The following KIF26B variants were observed in gnomAD, a reference collection of about 807,000 sequenced individuals.
KIF26B encodes kinesin family member 26B.
Under a neutral mutation model 151.2 loss-of-function variants are expected in KIF26B, and 63 were observed. The ratio of observed to expected loss-of-function variants is 0.42; its 90% CI spans 0.34 to 0.51. The LOEUF (loss-of-function observed/expected upper bound fraction) is 0.51. Ranked by LOEUF, KIF26B falls within the 20% of genes least tolerant of loss-of-function variation. KIF26B has a pLI of 0.07. For missense variants in KIF26B, 2,813 were observed against 2,913.6 expected (o/e 0.97, Z 0.79); for synonymous variants, 1,357 against 1,262.1 (o/e 1.08, Z -1.59).
intron 10 of KIF26B, among the ~76,000 whole-genome samples, chr1:245,682,321 C>T (rs1200489519): frequency 1.3e-5 from 2 of 152,210 alleles, no homozygotes; most frequent in Non-Finnish European, 2.9e-5. Context: ...TGTATTTCCC[C>T]TAAGAACAAT....
Position 245,687,257 on chromosome 1 carries a change from A to G in KIF26B, c.4274A>G (p.Glu1425Gly), listed in dbSNP as rs1463532120. Residue 1425 changes from glutamate (E) to glycine (G), a missense_variant, in exon 12 of 15, where the codon GAG becomes GGG. Glu to Gly is a moderately conservative substitution (Grantham distance 98). Transcript: ENST00000407071. The surrounding 1 kb of genome is among the most constrained non-coding windows in gnomAD (Gnocchi z 4.9). The stretch of plus-strand genomic sequence containing the variant: ...GGCCCCACATTAGCCCAGTCCCGGG[A>G]GAGTAAGGAAAACAGTGCAAAGAAA... Reference protein sequence around the residue: ...KAGPTLAQSRESKENSAKKEM... With the variant: ...KAGPTLAQSRGSKENSAKKEM... 2.5e-6 allele frequency: 4 copies of G among 1,611,578 alleles called. No homozygotes were observed. The highest frequency in any genetic ancestry group is 8.5e-7 in the Non-Finnish European group (1 of 1,179,190).
chr1:245,515,005 C>G (rs1660919192), intron 4 of KIF26B, among the ~76,000 whole-genome samples: 1 of 152,266 alleles, frequency 6.6e-6, no homozygotes, highest in South Asian at 2.1e-4. Context: ...TGACAGGGGA[C>G]CTGGGAAGAC....
At chr1:245,276,862 C>G (rs1032018285) in intron 2 of KIF26B, among the ~76,000 whole-genome samples, 7 of 152,022 alleles carry the variant, frequency 4.6e-5, no homozygotes, top group African/African-American at 1.7e-4. Flanking sequence ...TGCCATGTTG[C>G]CGAAGTCACT....
intron 3 of KIF26B, among the ~76,000 whole-genome samples, chr1:245,390,965 T>G (rs941165396): frequency 8.7e-6 from 1 of 114,722 alleles, no homozygotes; most frequent in Non-Finnish European, 1.7e-5. Context: ...ACCATAAAAT[T>G]TTGAGCTTTC....
chr1:245,340,875 G>A (rs771425045), intron 2 of KIF26B, among the ~76,000 whole-genome samples: 1 of 152,188 alleles, frequency 6.6e-6, no homozygotes, highest in Non-Finnish European at 1.5e-5. Flanking sequence ...CGATCTAAGG[G>A]AGGGAACAGG....
At chr1:245,393,490 TATC>T (rs1673750145) in intron 3 of KIF26B, among the ~76,000 whole-genome samples, 1 of 152,198 alleles carries the variant, frequency 6.6e-6, no homozygotes, top group African/African-American at 2.4e-5. Flanking sequence ...TTCTCTTTTG[TATC>T]ATATGTTTTC....
At chr1:245,324,719 C>T (rs1671951216) in intron 2 of KIF26B, among the ~76,000 whole-genome samples, 1 of 152,138 alleles carries the variant, frequency 6.6e-6, no homozygotes, top group Non-Finnish European at 1.5e-5. Context: ...AGGCATGAAA[C>T]ACGGCCATCC....
intron 2 of KIF26B, among the ~76,000 whole-genome samples, chr1:245,238,825 G>T (rs1670160673): frequency 1.3e-5 from 2 of 152,114 alleles, no homozygotes; most frequent in Admixed American, 1.3e-4. Context: ...TGGTGCCACT[G>T]CACTCCAGCC....
At chr1:245,529,043 C>T (rs1661304613) in intron 4 of KIF26B, among the ~76,000 whole-genome samples, 1 of 152,212 alleles carries the variant, frequency 6.6e-6, no homozygotes, top group Non-Finnish European at 1.5e-5. Context: ...CAGAAGTCCT[C>T]AACCTTCTCT....
intron 4 of KIF26B, among the ~76,000 whole-genome samples, chr1:245,451,697 T>C (rs1259290786): frequency 6.7e-6 from 1 of 148,396 alleles, no homozygotes; most frequent in Non-Finnish European, 1.5e-5. Context: ...GCCTCCTGGG[T>C]TCAAAAATTC....
intron 5 of KIF26B, among the ~76,000 whole-genome samples, chr1:245,545,367 G>T (rs1661721886): frequency 6.6e-6 from 1 of 152,180 alleles, no homozygotes; most frequent in South Asian, 2.1e-4. Context: ...CTCCCAAAGT[G>T]CTAGGATTAC....
rs59481342 is a variant in KIF26B at position 245,581,926 on chromosome 1, G to GAGGAAAGGAAGGAAGGAAGGA, written c.1351-20646_1351-20645insAGGAAGGAAGGAAGGAAGGAA. On this transcript the variant is annotated intron_variant, in intron 5 of 14. Transcript: ENST00000407071. ...AGAGAGACCCTGTCAAAGAGAGAAA[G>GAGGAAAGGAAGGAAGGAAGGA]AGGAAGGAAGGAAGGAAGGAAGGAA... is the stretch of plus-strand genomic sequence containing the variant. Among the ~76,000 whole-genome samples, 933 of 142,382 alleles carry GAGGAAAGGAAGGAAGGAAGGA rather than the reference G, an allele frequency of 6.6e-3. 2 individuals are homozygous for GAGGAAAGGAAGGAAGGAAGGA. The highest frequency in any genetic ancestry group is 8.4e-3 in the Non-Finnish European group (559 of 66,924). 93.4% of individuals were successfully genotyped at this position (142,382 alleles called of 152,430 possible).
rs541268731 is a variant in KIF26B at position 245,623,642 on chromosome 1, T to C, written c.2098+11666T>C. Among the ~76,000 whole-genome samples, 26 of 152,338 alleles carry C rather than the reference T, an allele frequency of 1.7e-4. 1 individual carries two copies. The South Asian group carries it at 3.1e-3, about 18-fold the overall frequency. Reference sequence around the variant, plus strand: ...GACATCACAAGTAGAAAATTCTACATCTGACCGCATGTGACAGGTCACAGG... The same window carrying C: ...GACATCACAAGTAGAAAATTCTACACCTGACCGCATGTGACAGGTCACAGG... On this transcript the variant is annotated intron_variant, in intron 9 of 14. Transcript: ENST00000407071.
At chr1:245,533,872 T>C (rs545556649) in intron 4 of KIF26B, among the ~76,000 whole-genome samples, 1 of 152,164 alleles carries the variant, frequency 6.6e-6, no homozygotes, top group Non-Finnish European at 1.5e-5. Flanking sequence ...CTTAAAGCCA[T>C]TGAATCCACC....
At chr1:245,372,526 C>T (rs142188047) in intron 3 of KIF26B, among the ~76,000 whole-genome samples, 87 of 152,280 alleles carry the variant, frequency 5.7e-4, no homozygotes, top group African/African-American at 2.0e-3. Flanking sequence ...TCCCACCCTC[C>T]ACCCCCAAGT....
intron 2 of KIF26B, among the ~76,000 whole-genome samples, chr1:245,314,168 C>T (rs558353429): frequency 1.8e-4 from 27 of 152,184 alleles, no homozygotes; most frequent in African/African-American, 6.5e-4. Context: ...TATATTCAGG[C>T]GGGGGGCGGT....
intron 2 of KIF26B, among the ~76,000 whole-genome samples, chr1:245,206,181 C>G (rs991523588): frequency 6.6e-6 from 1 of 152,214 alleles, no homozygotes; most frequent in Non-Finnish European, 1.5e-5. Flanking sequence ...GTAGTCCCTT[C>G]TTATTCTCCA....
At chr1:245,419,816 T>G in intron 4 of KIF26B, 71 bp downstream of exon 4, 2 of 1,375,314 alleles carry the variant, frequency 1.5e-6, no homozygotes, top group Non-Finnish European at 2.0e-6. Context: ...GTGGACTAGC[T>G]CAGCTGAAAC....
At chr1:245,479,421 C>T (rs1321948248) in intron 4 of KIF26B, among the ~76,000 whole-genome samples, 1 of 151,836 alleles carries the variant, frequency 6.6e-6, no homozygotes, top group Admixed American at 6.6e-5. Flanking sequence ...GCATATGCAT[C>T]AATATCGTGT....
Sources: gnomAD v4.1 joint callset for allele counts (sites outside exome capture counted in the v4.1 genomes callset) on GRCh38, gnomAD v4.1.1 for gene constraint, Gnocchi (gnomAD v3.1) non-coding constraint, MANE v1.5 for transcripts, NCBI Gene and HGNC (gene_info 2026-07-23, HGNC 2026-07-21) for gene names.